Variants in MFHAS1 observed in about 807,000 individuals in gnomAD.
The protein encoded by MFHAS1 is multifunctional ROCO family signaling regulator 1.
MFHAS1 carries 50 observed loss-of-function variants against 70.4 expected under a neutral mutation model. The observed-to-expected ratio is 0.71, with a 90% confidence interval of 0.57 to 0.90. The LOEUF (loss-of-function observed/expected upper bound fraction) is 0.90. MFHAS1 is among the 40% of genes least tolerant of loss of function. The probability of loss-of-function intolerance (pLI) is 0.00; values close to 1 mark genes in which losing one functional copy is unlikely to be tolerated. For synonymous variants in MFHAS1, 952 were observed against 620.0 expected, an observed-to-expected ratio of 1.54 and a Z score of -7.96; for missense variants, 1,795 against 1,347.6, an observed-to-expected ratio of 1.33 and a Z score of -5.20.
At chr8:8,793,450 A>G (rs1281302295) in intron 2 of MFHAS1, among the ~76,000 whole-genome samples, 1 of 152,200 alleles carries the variant, frequency 6.6e-6, no homozygotes, top group Non-Finnish European at 1.5e-5. Context: ...CTTTTTAAAA[A>G]CCATCATGAG....
At chr8:8,841,754 T>A (rs2116854753) in intron 1 of MFHAS1, among the ~76,000 whole-genome samples, 1 of 152,266 alleles carries the variant, frequency 6.6e-6, no homozygotes, top group African/African-American at 2.4e-5. Context: ...AGACCCCACA[T>A]GGGCCACACC....
At chr8:8,819,416 T>G (rs1027701336) in intron 1 of MFHAS1, among the ~76,000 whole-genome samples, 3 of 151,864 alleles carry the variant, frequency 2.0e-5, no homozygotes, top group African/African-American at 7.3e-5. Flanking sequence ...CCATCCTGGC[T>G]AACAGGGTGA....
At position 8,890,988 on chromosome 8, in the gene MFHAS1, G is replaced by T; in HGVS notation, c.2071C>A (p.Leu691Met). 1 of 1,614,008 alleles carries T rather than the reference G, an allele frequency of 6.2e-7. No individual in the cohort carries two copies. The highest frequency in any genetic ancestry group is 8.5e-7 in the Non-Finnish European group (1 of 1,179,998). The change falls in exon 1 of 3, where the codon CTG becomes ATG. Residue 691 changes from leucine (L) to methionine (M), a missense_variant. Transcript: ENST00000276282. ...CGGTCCTCGGTCAGACCCGCCTGCA[G>T]GCCCAAGCGCGCCGAGTCCCACCAG... The part of the protein sequence containing the change: ...LSWWDSARLG[L>M]QAGLTEDRLQ...
chr8:8,891,651 C>A lies in MFHAS1; in HGVS notation c.1408G>T (p.Gly470Cys), dbSNP rs760823779. ...AAGTCATACACGATGAACCGCAGGC[C>A]CCGGGAGGCATCGGCCGTCCAGCTG... ...VTSWTADASR[G>C]LRFIVYDLAG... is the part of the protein sequence containing the mutation. Residue 470 changes from glycine to cysteine, a missense_variant, in exon 1 of 3, where the codon GGC becomes TGC. Transcript: ENST00000276282. This position sits in a 1 kb window ranked among gnomAD's most constrained non-coding sequence, Gnocchi z 5.4. 1 of 1,613,638 alleles carries A rather than the reference C, an allele frequency of 6.2e-7. No individual in the cohort carries two copies. Among genetic ancestry groups the A allele is most frequent in the Admixed American group, 1.7e-5 (1 of 60,036 alleles).
chr8:8,863,228 G>C (rs1278325784), intron 1 of MFHAS1, among the ~76,000 whole-genome samples: 1 of 152,122 alleles, frequency 6.6e-6, no homozygotes, highest in Non-Finnish European at 1.5e-5. Context: ...AATTACTATA[G>C]CCGGAAAGTA....
At chr8:8,877,432 T>C (rs984885786) in intron 1 of MFHAS1, among the ~76,000 whole-genome samples, 1 of 148,650 alleles carries the variant, frequency 6.7e-6, no homozygotes, top group Non-Finnish European at 1.5e-5. Context: ...CAGCCCACAA[T>C]AAAATGGTAA....
intron 1 of MFHAS1, among the ~76,000 whole-genome samples, chr8:8,849,221 C>T (rs1280678287): frequency 6.6e-6 from 1 of 151,948 alleles, no homozygotes; most frequent in Non-Finnish European, 1.5e-5. Flanking sequence ...GCTGGGACTA[C>T]AGGCGTGAGC....
At chr8:8,885,189 A>G (rs1384247335) in intron 1 of MFHAS1, among the ~76,000 whole-genome samples, 1 of 152,222 alleles carries the variant, frequency 6.6e-6, no homozygotes, top group South Asian at 2.1e-4. Flanking sequence ...GACAGAAGAC[A>G]TTTGGCATGA....
At position 8,890,759 on chromosome 8, in the gene MFHAS1, G is replaced by C; in HGVS notation, c.2300C>G (p.Ser767Cys). ...GGGGGTGGACCGCGCCATGGGCGGG[G>C]AGCTTTCCCCCTCCGCCTTGCCCTC... ...SGEGKAEGES[S>C]PPMARSTPSQ... Residue 767 changes from serine (S) to cysteine (C), a missense_variant, in exon 1 of 3, where the codon TCC (serine) becomes TGC (cysteine). By Grantham distance (112) the Ser-to-Cys change is moderately radical. Coordinates refer to ENST00000276282, the MANE Select transcript of MFHAS1 (RefSeq NM_004225.3). 1 of 1,613,898 alleles carries C rather than the reference G, an allele frequency of 6.2e-7. No homozygotes were observed.
At chr8:8,794,292 C>G (rs1203768318) in intron 2 of MFHAS1, among the ~76,000 whole-genome samples, 1 of 152,174 alleles carries the variant, frequency 6.6e-6, no homozygotes, top group Non-Finnish European at 1.5e-5. Flanking sequence ...ATGTCTAGTG[C>G]CTGCTGAGAC....
At chr8:8,852,797 C>T (rs1263575342) in intron 1 of MFHAS1, among the ~76,000 whole-genome samples, 1 of 152,210 alleles carries the variant, frequency 6.6e-6, no homozygotes, top group Non-Finnish European at 1.5e-5. Context: ...GCTTGGCTGA[C>T]ATCAGAACAG....
Position 8,857,484 on chromosome 8 carries a change from C to T in MFHAS1, c.2998+32577G>A, listed in dbSNP as rs1808487004. Among the ~76,000 whole-genome samples the T allele has an allele frequency of 3.3e-5, 5 of 152,226 alleles. No homozygotes were observed. In the South Asian group the frequency reaches 6.2e-4, roughly 19 times the overall value. The stretch of plus-strand genomic sequence containing the variant: ...TAATTAAAAATGAGTTCAGGCCCGG[C>T]GCGGTGTCTAACGCCTGTAATCCCA... On this transcript the variant is annotated intron_variant, in intron 1 of 2. Coordinates refer to ENST00000276282, the MANE Select transcript of MFHAS1 (RefSeq NM_004225.3).
intron 1 of MFHAS1, among the ~76,000 whole-genome samples, chr8:8,854,365 C>CA (rs1400639968): frequency 1.3e-5 from 2 of 152,054 alleles, no homozygotes; most frequent in Non-Finnish European, 2.9e-5. Flanking sequence ...ACTAAAAATA[C>CA]AAAAAATCAG....
intron 2 of MFHAS1, among the ~76,000 whole-genome samples, chr8:8,787,914 T>A (rs1805607598): frequency 6.6e-6 from 1 of 152,224 alleles, no homozygotes; most frequent in Non-Finnish European, 1.5e-5. Flanking sequence ...ATATGCCTTT[T>A]TCCACATTTG....
chr8:8,884,597 A>G (rs1412319186), intron 1 of MFHAS1, among the ~76,000 whole-genome samples: 1 of 152,190 alleles, frequency 6.6e-6, no homozygotes, highest in Non-Finnish European at 1.5e-5. Context: ...GGAGTTGGGA[A>G]GCTAAACAAA....
At chr8:8,855,353 G>C (rs953667493) in intron 1 of MFHAS1, among the ~76,000 whole-genome samples, 6 of 152,210 alleles carry the variant, frequency 3.9e-5, no homozygotes, top group Non-Finnish European at 7.3e-5. Context: ...TCATTGTCTG[G>C]TGAAAGAGCC....
At chr8:8,853,080 C>T (rs1434761024) in intron 1 of MFHAS1, among the ~76,000 whole-genome samples, 1 of 152,142 alleles carries the variant, frequency 6.6e-6, no homozygotes, top group Non-Finnish European at 1.5e-5. Context: ...CGTGTGTCTG[C>T]TCTCAAGACC....
intron 1 of MFHAS1, among the ~76,000 whole-genome samples, chr8:8,878,222 G>A (rs1809370945): frequency 6.6e-6 from 1 of 152,180 alleles, no homozygotes; most frequent in African/African-American, 2.4e-5. Context: ...GTGAGCTGGT[G>A]TACTCTGGAA....
At chr8:8,794,921 T>A (rs1805840035) in intron 2 of MFHAS1, among the ~76,000 whole-genome samples, 1 of 152,144 alleles carries the variant, frequency 6.6e-6, no homozygotes, top group South Asian at 2.1e-4. Context: ...TTTTTTCAGG[T>A]TGGTATAAAC....
Sources: gnomAD v4.1 joint callset for allele counts (sites outside exome capture counted in the v4.1 genomes callset) on GRCh38, gnomAD v4.1.1 for gene constraint, Gnocchi (gnomAD v3.1) non-coding constraint, MANE v1.5 for transcripts, NCBI Gene and HGNC (gene_info 2026-07-23, HGNC 2026-07-21) for gene names.